Variants in DPP10 observed in about 807,000 individuals in gnomAD.
DPP10 encodes the protein inactive dipeptidyl peptidase 10.
A neutral mutation model predicts 120.9 loss-of-function variants in DPP10; 33 were observed. The ratio of observed to expected loss-of-function variants is 0.27; its 90% confidence interval spans 0.21 to 0.37. The LOEUF (loss-of-function observed/expected upper bound fraction) is 0.37, where lower values mean the gene tolerates loss of function less well. Among genes scored for constraint, DPP10 ranks in the 10% least tolerant of loss-of-function variants. DPP10 has a pLI of 1.00. For missense variants in DPP10, 816 were observed against 942.8 expected (o/e 0.87, Z 1.76); for synonymous variants, 337 against 326.1 (o/e 1.03, Z -0.36).
chr2:115,231,371 A>AACATTT (rs1207030854), intron 1 of DPP10, among the ~76,000 whole-genome samples: 1 of 152,156 alleles, frequency 6.6e-6, no homozygotes, highest in Non-Finnish European at 1.5e-5. Context: ...TATGCTAATG[A>AACATTT]ACATTTACAA....
At chr2:115,312,428 A>G (rs894383094) in intron 2 of DPP10, among the ~76,000 whole-genome samples, 4 of 152,172 alleles carry the variant, frequency 2.6e-5, no homozygotes, top group African/African-American at 9.7e-5. Flanking sequence ...GAAGACTAAT[A>G]GTTTGCAGCT....
intron 3 of DPP10, among the ~76,000 whole-genome samples, chr2:115,409,139 A>G (rs2068748394): frequency 6.6e-6 from 1 of 152,174 alleles, no homozygotes; most frequent in South Asian, 2.1e-4. Context: ...GATTCTCACT[A>G]TAGAAACTGT....
chr2:115,073,786 A>G (rs1212998072), intron 1 of DPP10, among the ~76,000 whole-genome samples: 1 of 152,236 alleles, frequency 6.6e-6, no homozygotes, highest in Non-Finnish European at 1.5e-5. Context: ...TTCAAGTTCA[A>G]TGAAAGATAA....
In DPP10 at chr2:115,840,821, C is replaced by A. The variant is rs146482002; in HGVS notation, c.2254C>A (p.Gln752Lys). The change falls in exon 25 of 26, where the codon CAG becomes AAG. Residue 752 changes from glutamine (Q) to lysine (K), a missense_variant and splice_region_variant. Physicochemically the swap from Gln to Lys is moderately conservative, Grantham distance 53 (BLOSUM62 1). Around this residue, in one of 3 missense-constraint regions of DPP10, gnomAD observed 592 missense variants for 649.0 expected, o/e 0.91. Transcript: ENST00000410059. ...AAAAGCTGGAGTGAATTATACTATG[C>A]AGGTAAGCTACTTTCTTAGAAGAAC... ...LIKAGVNYTM[Q>K]VYPDEGHNVS... 5.2e-3 allele frequency: 8,377 copies of A among 1,609,792 alleles called. 23 individuals are homozygous for A. The highest frequency in any genetic ancestry group is 6.3e-3 in the Non-Finnish European group (7,407 of 1,177,680).
chr2:115,326,205 G>T (rs980892819), intron 2 of DPP10, among the ~76,000 whole-genome samples: 1 of 151,980 alleles, frequency 6.6e-6, no homozygotes, highest in Non-Finnish European at 1.5e-5. Flanking sequence ...TGGCTTTTAG[G>T]TCAATGACAG....
intron 4 of DPP10, among the ~76,000 whole-genome samples, chr2:115,511,418 TC>T (rs2077217199): frequency 6.6e-6 from 1 of 152,120 alleles, no homozygotes; most frequent in African/African-American, 2.4e-5. Context: ...TGATGCCTCT[TC>T]TTTCATGCCT....
At chr2:114,923,748 GAGCCAC>G (rs71394116) in intron 1 of DPP10, among the ~76,000 whole-genome samples, 51,712 of 151,490 alleles carry the variant, frequency 0.34, 8,858 homozygotes, top group African/African-American at 0.4. Flanking sequence ...TTACAGGCGT[GAGCCAC>G]CGCACCTGGC....
intron 4 of DPP10, among the ~76,000 whole-genome samples, chr2:115,507,386 T>C (rs981229954): frequency 3.3e-5 from 5 of 152,172 alleles, no homozygotes; most frequent in East Asian, 1.9e-4. Context: ...GAGTAATTCA[T>C]TGAAAATACA....
At chr2:114,676,870 C>T (rs1323754466) in intron 1 of DPP10, among the ~76,000 whole-genome samples, 1 of 151,940 alleles carries the variant, frequency 6.6e-6, no homozygotes, top group Non-Finnish European at 1.5e-5. Flanking sequence ...TAATTGAATT[C>T]AATTGAAAAA....
intron 1 of DPP10, among the ~76,000 whole-genome samples, chr2:115,133,143 G>GTTTATATATATATATATA (rs1238047393): frequency 3.1e-5 from 1 of 32,002 alleles, no homozygotes; most frequent in African/African-American, 1.2e-4. Flanking sequence ...GTGTGTGTGT[G>GTTTATATATATATATATA]TGTATATATA....
chr2:115,747,991 C>A (rs1490476408), intron 10 of DPP10, among the ~76,000 whole-genome samples: 1 of 152,010 alleles, frequency 6.6e-6, no homozygotes, highest in Non-Finnish European at 1.5e-5. Context: ...CTAAAAGGAG[C>A]TCTTGATTCC....
intron 2 of DPP10, among the ~76,000 whole-genome samples, chr2:115,327,082 TATA>T (rs2062409614): frequency 1.3e-5 from 2 of 152,072 alleles, no homozygotes. Flanking sequence ...TTTTATCATT[TATA>T]ATGTTTTTTA....
Position 115,474,672 on chromosome 2 carries a change from T to G in DPP10, c.272-24838T>G, listed in dbSNP as rs555730244. ...AATGACCTGAAACTGGAACTTATAT[T>G]TAAAAGAAAAACAGAGTGTAAAAGA... is the stretch of plus-strand genomic sequence containing the variant. On this transcript the variant is annotated intron_variant, in intron 3 of 25. Transcript: ENST00000410059. 7.3e-5 allele frequency among the ~76,000 whole-genome samples: 11 copies of G among 151,518 alleles called. No homozygotes were observed. In the South Asian group the frequency reaches 1.9e-3, roughly 26 times the overall value.
At chr2:115,173,423 T>C (rs1219212770) in intron 1 of DPP10, among the ~76,000 whole-genome samples, 10 of 152,204 alleles carry the variant, frequency 6.6e-5, no homozygotes, top group African/African-American at 1.2e-4. Context: ...ATAATTGTTA[T>C]GTAAACCTCA....
chr2:114,450,653 A>G (rs1678211431), intron 1 of DPP10, among the ~76,000 whole-genome samples: 1 of 152,122 alleles, frequency 6.6e-6, no homozygotes, highest in African/African-American at 2.4e-5. Context: ...CAACATTTGA[A>G]GGAAATAACA....
intron 1 of DPP10, among the ~76,000 whole-genome samples, chr2:114,987,199 A>G (rs543886316): frequency 1.2e-4 from 19 of 152,170 alleles, no homozygotes; most frequent in Non-Finnish European, 2.2e-4. Context: ...ACATCAGTAA[A>G]GTGGCTAGAA....
intron 2 of DPP10, among the ~76,000 whole-genome samples, chr2:115,314,277 C>G (rs1288477851): frequency 6.6e-6 from 1 of 152,198 alleles, no homozygotes; most frequent in Non-Finnish European, 1.5e-5. Context: ...CAACAATGGC[C>G]TGTTGCCCTT....
At chr2:114,893,782 A>G (rs149325161) in intron 1 of DPP10, among the ~76,000 whole-genome samples, 27 of 152,326 alleles carry the variant, frequency 1.8e-4, no homozygotes, top group African/African-American at 6.5e-4. Flanking sequence ...ACATATTATC[A>G]TATTGCATTC....
chr2:115,590,927 A>G (rs2082621200), intron 5 of DPP10, among the ~76,000 whole-genome samples: 1 of 152,158 alleles, frequency 6.6e-6, no homozygotes, highest in South Asian at 2.1e-4. Flanking sequence ...AGTGATGATG[A>G]GTATTGTTTC....
Sources: allele counts gnomAD v4.1 joint callset (sites outside exome capture counted in the v4.1 genomes callset), GRCh38; gene constraint gnomAD v4.1.1; regional missense constraint gnomAD v4.1.1; transcripts MANE v1.5; gene names NCBI Gene and HGNC (gene_info 2026-07-23, HGNC 2026-07-21).